Variants in POF1B observed in about 807,000 individuals in gnomAD.
POF1B encodes the protein POF1B actin binding protein.
Under a neutral mutation model 55.3 loss-of-function variants are expected in POF1B, and 53 were observed. The ratio of observed to expected loss-of-function variants is 0.96; its 90% confidence interval spans 0.77 to 1.20. The LOEUF is 1.20. Among genes scored for constraint, POF1B ranks in the 50% most tolerant of loss-of-function variants. The pLI is 0.00. For missense variants in POF1B, 478 were observed against 420.5 expected, an observed-to-expected ratio of 1.14 and a Z score of -1.20; for synonymous variants, 188 against 148.3, an observed-to-expected ratio of 1.27 and a Z score of -1.95.
intron 2 of POF1B, among the ~76,000 whole-genome samples, chrX:85,378,529 T>C (rs1393849669): frequency 2.7e-5 from 3 of 111,919 alleles, no homozygotes; most frequent in Non-Finnish European, 5.6e-5. Flanking sequence ...TTTTGTAGCT[T>C]TCATGTAACA....
At chrX:85,317,416 T>C (rs909637657) in intron 7 of POF1B, among the ~76,000 whole-genome samples, 4 of 109,874 alleles carry the variant, frequency 3.6e-5, no homozygotes, top group African/African-American at 1.3e-4. Flanking sequence ...TTACCTTTTC[T>C]CCACAACCAT....
intron 5 of POF1B, among the ~76,000 whole-genome samples, chrX:85,349,185 T>C (rs1005231846): frequency 3.6e-5 from 4 of 111,248 alleles, no homozygotes; most frequent in African/African-American, 1.3e-4. Flanking sequence ...TGTTTATGAT[T>C]CTGAAAGTTT....
At chrX:85,287,872 T>C (rs1008330697) in intron 15 of POF1B, among the ~76,000 whole-genome samples, 2 of 110,922 alleles carry the variant, frequency 1.8e-5, no homozygotes, top group Non-Finnish European at 3.8e-5. Context: ...TCTAGCAATA[T>C]ATAAAAAGGA....
At chrX:85,307,416 G>C in intron 10 of POF1B, 140 bp from the exon 11 acceptor site, 1 of 404,782 alleles carries the variant, frequency 2.5e-6, no homozygotes, top group Non-Finnish European at 4.2e-6. Context: ...ATTCTTAAAA[G>C]TTAAGAAAAT....
chrX:85,295,171 T>G (rs1932281913), intron 15 of POF1B, among the ~76,000 whole-genome samples: 2 of 111,981 alleles, frequency 1.8e-5, no homozygotes, highest in African/African-American at 6.5e-5. Flanking sequence ...AGTACCAACT[T>G]TTGGTTTCAT....
At chrX:85,293,454 T>C (rs1310903280) in intron 15 of POF1B, among the ~76,000 whole-genome samples, 2 of 111,077 alleles carry the variant, frequency 1.8e-5, no homozygotes, top group Non-Finnish European at 3.8e-5. Flanking sequence ...CACTTATAAG[T>C]GGGAGATAAA....
chrX:85,351,382 T>C lies in POF1B; in HGVS notation c.508A>G (p.Ile170Val). 8.4e-7 allele frequency: 1 copy of C among 1,196,857 alleles called. No homozygotes were observed. Residue 170 changes from isoleucine (I) to valine (V), a missense_variant, in exon 5 of 17, where the codon ATA becomes GTA. Transcript: ENST00000262753. ...GTATTTAGCTTCTCCACTTTTCTTA[T>C]TGTTTTTTCATAAATAACATTGTTT... ...PGNNVIYEKTIRKVEKLNTDQ... is the reference protein window; with the variant it reads ...PGNNVIYEKTVRKVEKLNTDQ...
At chrX:85,313,301 T>C (rs932819232) in intron 9 of POF1B, among the ~76,000 whole-genome samples, 2 of 111,881 alleles carry the variant, frequency 1.8e-5, no homozygotes, top group African/African-American at 6.5e-5. Context: ...AGTATGATAT[T>C]GGCTGTTGGT....
intron 3 of POF1B, among the ~76,000 whole-genome samples, chrX:85,363,696 G>A (rs946167977): frequency 1.8e-5 from 2 of 111,661 alleles, no homozygotes; most frequent in African/African-American, 6.5e-5. Flanking sequence ...TATGTGCTAC[G>A]TGATGATGAG....
intron 15 of POF1B, among the ~76,000 whole-genome samples, chrX:85,286,007 A>G (rs1352955721): frequency 8.9e-6 from 1 of 111,883 alleles, no homozygotes; most frequent in Non-Finnish European, 1.9e-5. Flanking sequence ...AAAGTAATAC[A>G]TAGCACCAGA....
At chrX:85,322,580 C>A (rs1413398674) in intron 7 of POF1B, among the ~76,000 whole-genome samples, 1 of 111,511 alleles carries the variant, frequency 9.0e-6, no homozygotes, top group Non-Finnish European at 1.9e-5. Flanking sequence ...CAACAAAAGC[C>A]AAAATTGACA....
chrX:85,359,958 C>T (rs1305863612), intron 3 of POF1B, among the ~76,000 whole-genome samples: 1 of 108,901 alleles, frequency 9.2e-6, no homozygotes, highest in African/African-American at 3.3e-5. Flanking sequence ...ATGAATTAAA[C>T]CTCTGGTTTG....
intron 3 of POF1B, 114 bp downstream of exon 3, chrX:85,367,578 A>G (rs1933746597): frequency 2.8e-5 from 14 of 502,194 alleles, no homozygotes; most frequent in Non-Finnish European, 4.4e-5. Context: ...TATGATCCTC[A>G]CATGGTGTGA....
intron 7 of POF1B, among the ~76,000 whole-genome samples, chrX:85,330,553 G>A (rs1932958399): frequency 9.0e-6 from 1 of 111,353 alleles, no homozygotes; most frequent in Non-Finnish European, 1.9e-5. Flanking sequence ...CACAAAGGAA[G>A]ATACATGGAA....
At chrX:85,336,320 C>T (rs1016582703) in intron 6 of POF1B, among the ~76,000 whole-genome samples, 1 of 110,462 alleles carries the variant, frequency 9.1e-6, no homozygotes, top group Non-Finnish European at 1.9e-5. Context: ...TATGTATATA[C>T]CCAGCAGTGG....
At chrX:85,313,253 C>T (rs1037148797) in intron 9 of POF1B, among the ~76,000 whole-genome samples, 8 of 111,519 alleles carry the variant, frequency 7.2e-5, no homozygotes, top group African/African-American at 2.0e-4. Flanking sequence ...TGTCTTGTGC[C>T]GGTTTTCAAA....
At chrX:85,308,348 T>C (rs1244535090) in intron 9 of POF1B, 132 bp from the exon 10 acceptor site, 4 of 347,416 alleles carry the variant, frequency 1.2e-5, no homozygotes, top group African/African-American at 2.6e-5. Flanking sequence ...AGAAAGGTGA[T>C]ATAAGGCATT....
chrX:85,315,633 A>T, intron 8 of POF1B, 74 bp downstream of exon 8: 1 of 931,528 alleles, frequency 1.1e-6, no homozygotes, highest in Non-Finnish European at 1.4e-6. Flanking sequence ...AACTGAAAGA[A>T]TATTATTATT....
Position 85,305,826 on chromosome X carries a change from T to A in POF1B, c.1402A>T (p.Arg468Ter). The A allele has an allele frequency of 8.3e-7, 1 of 1,209,734 alleles. No individual in the cohort carries two copies. Among genetic ancestry groups the A allele is most frequent in the Non-Finnish European group, 1.1e-6 (1 of 894,150 alleles). ...NHYTEMVKNL[R>*]MEKDREICRL... is the part of the protein sequence containing the mutation. ...CAGATCTCTCTATCTTTCTCCATTC[T>A]CAAGTTTTTTACCATCTCCGTGTAG... Residue 468 changes from arginine (R) to a stop codon, truncating the protein, a stop_gained, in exon 13 of 17, where the codon AGA (arginine) becomes TGA (stop). Coordinates refer to ENST00000262753, the MANE Select transcript of POF1B (RefSeq NM_024921.4). LOFTEE classifies it high-confidence loss of function.
Sources: allele counts gnomAD v4.1 joint callset (sites outside exome capture counted in the v4.1 genomes callset), GRCh38; gene constraint gnomAD v4.1.1; transcripts MANE v1.5; gene names NCBI Gene and HGNC (gene_info 2026-07-23, HGNC 2026-07-21).